Variants in TMEM232 observed in about 807,000 individuals in gnomAD.
The protein encoded by TMEM232 is transmembrane protein 232.
In TMEM232, 80 loss-of-function variants were observed where a neutral mutation model predicts 78.8. The observed-to-expected ratio is 1.01, with a 90% CI of 0.85 to 1.22. The LOEUF (loss-of-function observed/expected upper bound fraction) is 1.22. Ranked by LOEUF, TMEM232 falls within the 50% of genes most tolerant of loss-of-function variation. TMEM232 has a pLI of 0.00. For missense variants in TMEM232, 881 were observed against 742.2 expected (o/e 1.19, Z -2.17); for synonymous variants, 297 against 254.3 (o/e 1.17, Z -1.60).
At chr5:110,530,720 C>T (rs115465414) in intron 11 of TMEM232, among the ~76,000 whole-genome samples, 552 of 152,036 alleles carry the variant, frequency 3.6e-3, no homozygotes, top group Non-Finnish European at 5.4e-3. Context: ...CAGGGGCTGA[C>T]GGGTGAAGGG....
intron 12 of TMEM232, among the ~76,000 whole-genome samples, chr5:110,471,138 G>A (rs545458933): frequency 9.9e-5 from 15 of 152,054 alleles, no homozygotes; most frequent in Non-Finnish European, 1.8e-4. Flanking sequence ...ATACAGTTGA[G>A]ACTAAATAAA....
chr5:110,564,055 GC>G (rs1450269767), intron 11 of TMEM232, among the ~76,000 whole-genome samples: 1 of 151,858 alleles, frequency 6.6e-6, no homozygotes, highest in East Asian at 1.9e-4. Flanking sequence ...GCCAGTAATG[GC>G]CCACCCATAT....
intron 1 of TMEM232, among the ~76,000 whole-genome samples, chr5:110,707,606 G>T (rs923831453): frequency 6.6e-6 from 1 of 152,188 alleles, no homozygotes; most frequent in Non-Finnish European, 1.5e-5. Context: ...CAATTCCCAG[G>T]CAACAACTAG....
In TMEM232 at chr5:110,568,567, TG is replaced by T; in HGVS notation, c.1334del (p.Ser445TyrfsTer16). ...GTTCTTCGTCTCCTTGAAGTTCCCA[TG>T]AAATTTTCACCAGGTTATACACTAA... ...YGLVYNLVKI[S>X]WELQGDEEQD... is the part of the protein sequence containing the mutation. On this transcript the variant is annotated frameshift_variant, in exon 11 of 14. Coordinates refer to ENST00000455884, the MANE Select transcript of TMEM232 (RefSeq NM_001039763.4). LOFTEE classifies it high-confidence loss of function. 2 of 1,549,714 alleles carry T rather than the reference TG, an allele frequency of 1.3e-6. No homozygotes were observed. Among genetic ancestry groups the T allele is most frequent in the Non-Finnish European group, 1.7e-6 (2 of 1,145,814 alleles).
At chr5:110,403,035 A>G (rs1755661914) in intron 2 of TMEM232, among the ~76,000 whole-genome samples, 1 of 152,086 alleles carries the variant, frequency 6.6e-6, no homozygotes, top group Admixed American at 6.6e-5. Context: ...AACAAAAAGA[A>G]AAAGAAAAGA....
chr5:110,433,080 G>A (rs1320651062), intron 12 of TMEM232, among the ~76,000 whole-genome samples: 2 of 151,648 alleles, frequency 1.3e-5, no homozygotes, highest in African/African-American at 4.8e-5. Flanking sequence ...AGTTCATCAA[G>A]GCAGAAAACT....
In TMEM232 at chr5:110,608,599, T is replaced by A. The variant is rs78315036; in HGVS notation, c.903-2312A>T. Among the ~76,000 whole-genome samples the A allele has an allele frequency of 4.9e-3, 738 of 152,146 alleles. 6 individuals are homozygous for A. The highest frequency in any genetic ancestry group is 0.017 in the African/African-American group (700 of 41,566). On this transcript the variant is annotated intron_variant, in intron 8 of 13. Coordinates refer to ENST00000455884, the MANE Select transcript of TMEM232 (RefSeq NM_001039763.4). ...TAGGATAGTCTCATTGAACTATGGA[T>A]TGAAAAAGATCCATCAGTGTTAGCC...
chr5:110,733,995 T>A (rs1032004223), intron 2 of TMEM232, among the ~76,000 whole-genome samples: 8 of 152,220 alleles, frequency 5.3e-5, no homozygotes, highest in Non-Finnish European at 4.4e-5. Flanking sequence ...ATTTTTAAAC[T>A]TACTAAAAGA....
At chr5:110,501,393 A>G (rs1766246122) in intron 12 of TMEM232, among the ~76,000 whole-genome samples, 1 of 151,984 alleles carries the variant, frequency 6.6e-6, no homozygotes, top group Admixed American at 6.6e-5. Flanking sequence ...TATTATAATA[A>G]TTATATTTTA....
intron 12 of TMEM232, among the ~76,000 whole-genome samples, chr5:110,467,487 C>T (rs1048790632): frequency 1.3e-5 from 2 of 152,166 alleles, no homozygotes; most frequent in African/African-American, 4.8e-5. Flanking sequence ...GCAGCTAATA[C>T]ACTAACAGAA....
At chr5:110,542,068 C>T (rs775691622) in intron 11 of TMEM232, among the ~76,000 whole-genome samples, 13 of 152,234 alleles carry the variant, frequency 8.5e-5, no homozygotes, top group South Asian at 2.1e-4. Context: ...ATCATGTCTG[C>T]GATACCTGAA....
upstream of TMEM232, chr5:110,738,391 C>A: frequency 1.9e-6 from 1 of 526,166 alleles, no homozygotes; most frequent in Non-Finnish European, 2.6e-6. Flanking sequence ...TTCTTTACAG[C>A]CTTAGAAAAG....
chr5:110,547,363 C>T (rs74834093), intron 11 of TMEM232, among the ~76,000 whole-genome samples: 2 of 152,112 alleles, frequency 1.3e-5, no homozygotes, highest in Non-Finnish European at 2.9e-5. Context: ...ATAGGCCTAA[C>T]AACTGAGTCA....
intron 8 of TMEM232, among the ~76,000 whole-genome samples, chr5:110,616,805 C>G (rs1172575897): frequency 6.6e-6 from 1 of 152,138 alleles, no homozygotes; most frequent in African/African-American, 2.4e-5. Context: ...TGAAAGATAA[C>G]AGATGTTGAT....
intron 10 of TMEM232, among the ~76,000 whole-genome samples, chr5:110,576,773 A>C (rs572930100): frequency 6.6e-6 from 1 of 152,112 alleles, no homozygotes; most frequent in Non-Finnish European, 1.5e-5. Context: ...TAACAAAAAC[A>C]AGCACTGGGG....
intron 11 of TMEM232, among the ~76,000 whole-genome samples, chr5:110,564,461 T>C (rs1776100313): frequency 6.6e-6 from 1 of 151,998 alleles, no homozygotes; most frequent in Non-Finnish European, 1.5e-5. Flanking sequence ...ACCAAGAAGC[T>C]GTAAATATTT....
At chr5:110,674,730 T>C (rs1273055641) in intron 1 of TMEM232, among the ~76,000 whole-genome samples, 1 of 152,226 alleles carries the variant, frequency 6.6e-6, no homozygotes, top group Non-Finnish European at 1.5e-5. Flanking sequence ...TTCCAATGAA[T>C]CTTTGCCATG....
chr5:110,391,326 T>TGTGTGTGTGTGAGAGAGAGA (rs549361387), intron 3 of TMEM232, among the ~76,000 whole-genome samples: 2 of 139,810 alleles, frequency 1.4e-5, no homozygotes, highest in African/African-American at 5.9e-5. Flanking sequence ...TGTGTGTGTG[T>TGTGTGTGTGTGAGAGAGAGA]GAGAGAGAGA....
intron 3 of TMEM232, among the ~76,000 whole-genome samples, chr5:110,397,171 T>C (rs886860587): frequency 1.3e-5 from 2 of 152,184 alleles, no homozygotes; most frequent in Admixed American, 6.6e-5. Context: ...AAACCTCCTA[T>C]GAAGTAGCCA....
Sources: gnomAD v4.1 joint callset for allele counts (sites outside exome capture counted in the v4.1 genomes callset) on GRCh38, gnomAD v4.1.1 for gene constraint, MANE v1.5 for transcripts, NCBI Gene and HGNC (gene_info 2026-07-23, HGNC 2026-07-21) for gene names.